PDLIM5: variants seen among roughly 807,000 people sequenced by gnomAD.
PDLIM5 encodes PDZ and LIM domain 5.
PDLIM5 carries 34 observed loss-of-function variants against 64.2 expected under a neutral mutation model. The observed-to-expected ratio is 0.53, with a 90% CI of 0.40 to 0.71. The LOEUF is 0.71. PDLIM5 is among the 30% of genes least tolerant of loss of function. The pLI is 0.00. For synonymous variants in PDLIM5, 253 were observed against 269.1 expected (o/e 0.94, Z 0.59); for missense variants, 683 against 733.6 (o/e 0.93, Z 0.80).
At chr4:94,513,220 T>G (rs1729055553) in intron 2 of PDLIM5, among the ~76,000 whole-genome samples, 1 of 152,234 alleles carries the variant, frequency 6.6e-6, no homozygotes, top group Non-Finnish European at 1.5e-5. Flanking sequence ...TCTGGGTCTT[T>G]TATGTTTCCA....
intron 2 of PDLIM5, among the ~76,000 whole-genome samples, chr4:94,520,301 C>T (rs889771788): frequency 6.6e-6 from 1 of 152,172 alleles, no homozygotes; most frequent in Non-Finnish European, 1.5e-5. Context: ...ATGCTGAGCT[C>T]GACCCAGGAG....
At chr4:94,622,791 C>T (rs938153110) in intron 8 of PDLIM5, among the ~76,000 whole-genome samples, 1 of 152,052 alleles carries the variant, frequency 6.6e-6, no homozygotes, top group Non-Finnish European at 1.5e-5. Flanking sequence ...CTGCCTTAGC[C>T]TCCTGAGTAG....
intron 5 of PDLIM5, chr4:94,584,618 C>G (rs945817788): frequency 3.1e-5 from 6 of 191,732 alleles, no homozygotes; most frequent in African/African-American, 1.4e-4. Context: ...GAAGGAATAC[C>G]TGTACATATG....
intron 7 of PDLIM5, among the ~76,000 whole-genome samples, chr4:94,606,822 A>G (rs75149361): frequency 6.6e-6 from 1 of 152,358 alleles, no homozygotes; most frequent in Non-Finnish European, 1.5e-5. Context: ...AGCCATAGAC[A>G]TATGAAGAAT....
intron 9 of PDLIM5, among the ~76,000 whole-genome samples, chr4:94,649,004 C>G (rs1741634295): frequency 6.6e-6 from 1 of 151,454 alleles, no homozygotes; most frequent in Non-Finnish European, 1.5e-5. Context: ...GAGACAGAGT[C>G]TCACTCTGTT....
intron 8 of PDLIM5, among the ~76,000 whole-genome samples, chr4:94,635,147 G>A (rs766869993): frequency 1.3e-5 from 2 of 152,102 alleles, no homozygotes; most frequent in African/African-American, 2.4e-5. Context: ...AACACTATTG[G>A]TTTGGAGAGA....
chr4:94,616,847 C>T (rs1256815105), intron 7 of PDLIM5, among the ~76,000 whole-genome samples: 2 of 152,086 alleles, frequency 1.3e-5, no homozygotes, highest in African/African-American at 4.8e-5. Context: ...TCAGAGATGC[C>T]CCAAGACCAC....
chr4:94,560,302 G>A (rs1252703375), intron 3 of PDLIM5, among the ~76,000 whole-genome samples: 2 of 152,046 alleles, frequency 1.3e-5, no homozygotes, highest in Admixed American at 1.3e-4. Flanking sequence ...TGCTAATTGA[G>A]AAGACTGTTT....
intron 7 of PDLIM5, among the ~76,000 whole-genome samples, chr4:94,608,703 A>G (rs543982711): frequency 9.2e-5 from 14 of 152,292 alleles, no homozygotes; most frequent in African/African-American, 2.4e-4. Context: ...TGATTTTTCA[A>G]TATACTAAGT....
At chr4:94,480,461 C>T (rs894189784) in intron 2 of PDLIM5, among the ~76,000 whole-genome samples, 3 of 152,146 alleles carry the variant, frequency 2.0e-5, no homozygotes, top group Non-Finnish European at 2.9e-5. Context: ...AGATGAGCAG[C>T]AGCAGGTAAT....
chr4:94,657,516 C>G lies in PDLIM5; in HGVS notation c.1554C>G (p.His518Gln), dbSNP rs1311743751. The G allele has an allele frequency of 4.3e-6, 7 of 1,611,116 alleles. No homozygotes were observed. The South Asian group carries it at 6.6e-5, about 15-fold the overall frequency. Residue 518 changes from histidine (H) to glutamine (Q), a missense_variant, in exon 11 of 13, where the codon CAC becomes CAG. Physicochemically the swap from His to Gln is conservative, Grantham distance 24 (BLOSUM62 0). Transcript: ENST00000317968. ...CGKPIRNNVFHLEDGEPYCET... is the reference protein window; with the variant it reads ...CGKPIRNNVFQLEDGEPYCET... Reference sequence around the variant, plus strand: ...AGCCCATTCGGAACAATGTTTTTCACTTGGAGGATGGTGAACCCTACTGTG... The same window carrying G: ...AGCCCATTCGGAACAATGTTTTTCAGTTGGAGGATGGTGAACCCTACTGTG...
chr4:94,567,259 ATTTGT>A (rs1204489187), intron 3 of PDLIM5, among the ~76,000 whole-genome samples: 2 of 152,114 alleles, frequency 1.3e-5, no homozygotes, highest in Non-Finnish European at 2.9e-5. Flanking sequence ...TCCCAACTGT[ATTTGT>A]TTTAAGGGCA....
In PDLIM5 at chr4:94,490,128, T is replaced by G. The variant is rs529743449; in HGVS notation, c.97-33596T>G. Among the ~76,000 whole-genome samples, 13 of 151,890 alleles carry G rather than the reference T, an allele frequency of 8.6e-5. No individual in the cohort carries two copies. The East Asian group carries it at 2.5e-3, about 29-fold the overall frequency. On this transcript the variant is annotated intron_variant, in intron 2 of 12. Coordinates refer to ENST00000317968, the MANE Select transcript of PDLIM5 (RefSeq NM_006457.5). Reference sequence around the variant, plus strand: ...TAAATAAAAAATCAAATATGAACTGTGGGGGGTATAATCTTATTGAGTGTA... The same window carrying G: ...TAAATAAAAAATCAAATATGAACTGGGGGGGGTATAATCTTATTGAGTGTA...
chr4:94,644,264 T>C (rs929040396), intron 9 of PDLIM5, among the ~76,000 whole-genome samples: 1 of 152,212 alleles, frequency 6.6e-6, no homozygotes, highest in Non-Finnish European at 1.5e-5. Context: ...AGTTACGTAT[T>C]TGTTTGAAGT....
At chr4:94,456,700 A>AT in intron 2 of PDLIM5, 2 of 1,340,950 alleles carry the variant, frequency 1.5e-6, no homozygotes, top group South Asian at 1.6e-5. Flanking sequence ...AATACCAAAT[A>AT]TAAGTACATA....
intron 3 of PDLIM5, among the ~76,000 whole-genome samples, chr4:94,525,438 T>TA (rs34875545): frequency 0.18 from 27,588 of 150,840 alleles, 2,962 homozygotes; most frequent in African/African-American, 0.3. Context: ...AAAAAAATAT[T>TA]AAAAAAAAAG....
chr4:94,453,279 T>C (rs1214803885), intron 1 of PDLIM5, among the ~76,000 whole-genome samples: 1 of 152,122 alleles, frequency 6.6e-6, no homozygotes, highest in African/African-American at 2.4e-5. Context: ...GAAAGGCCAA[T>C]AAAAATATTG....
intron 12 of PDLIM5, among the ~76,000 whole-genome samples, chr4:94,663,089 G>C (rs951338578): frequency 6.6e-6 from 1 of 152,090 alleles, no homozygotes; most frequent in South Asian, 2.1e-4. Context: ...GATTAGGATG[G>C]ATTCAAATAT....
rs78578585 is a variant in PDLIM5, at chr4:94,616,353, G to T, written c.921-1651G>T. On this transcript the variant is annotated intron_variant, in intron 7 of 12. Transcript: ENST00000317968. ...GTAATTATCCTTTTAATATGTTAAG[G>T]TTATATTCTGTGCCTTAGAGTATGC... Among the ~76,000 whole-genome samples, 67 of 152,076 alleles carry T rather than the reference G, an allele frequency of 4.4e-4. 1 individual carries two copies. The East Asian group carries it at 0.011, about 26-fold the overall frequency.
Sources: allele counts gnomAD v4.1 joint callset (sites outside exome capture counted in the v4.1 genomes callset), GRCh38; gene constraint gnomAD v4.1.1; transcripts MANE v1.5; gene names NCBI Gene and HGNC (gene_info 2026-07-23, HGNC 2026-07-21).